RARB: variants seen among roughly 807,000 people sequenced by gnomAD.
The protein encoded by RARB is retinoic acid receptor beta.
Under a neutral mutation model 51.9 loss-of-function variants are expected in RARB, and 17 were observed. The ratio of observed to expected loss-of-function variants is 0.33; its 90% CI spans 0.22 to 0.49. The LOEUF is 0.49. Among genes scored for constraint, RARB ranks in the 20% least tolerant of loss-of-function variants. RARB has a pLI of 0.99. For missense variants in RARB, 369 were observed against 550.8 expected (o/e 0.67, Z 3.30); for synonymous variants, 215 against 195.4 (o/e 1.10, Z -0.84).
In RARB at chr3:25,562,426, G is replaced by C. The variant is rs1466849186; in HGVS notation, c.449-7332G>C. The stretch of plus-strand genomic sequence containing the variant: ...GCTCTTATTCATATTGGGTAGCTCT[G>C]TCACAAACACGAAGCCACAGACACG... On this transcript the variant is annotated intron_variant, in intron 3 of 7. Coordinates refer to ENST00000330688, the MANE Select transcript of RARB (RefSeq NM_000965.5). Among the ~76,000 whole-genome samples, 3 of 152,138 alleles carry C rather than the reference G, an allele frequency of 2.0e-5. No homozygotes were observed. In the East Asian group the frequency reaches 5.8e-4, roughly 29 times the overall value.
chr3:24,887,798 C>G (rs994380642), intron 2 of RARB, among the ~76,000 whole-genome samples: 4 of 152,206 alleles, frequency 2.6e-5, no homozygotes, highest in African/African-American at 9.7e-5. Flanking sequence ...TACTGACTTG[C>G]AGCAGCTCTG....
intron 3 of RARB, among the ~76,000 whole-genome samples, chr3:25,558,689 G>A (rs115857399): frequency 2.0e-3 from 308 of 152,098 alleles, no homozygotes; most frequent in African/African-American, 6.7e-3. Context: ...ACAGCCTCTG[G>A]ATTCCTAATT....
chr3:25,071,987 T>A (rs1195468499), intron 3 of RARB, among the ~76,000 whole-genome samples: 1 of 152,222 alleles, frequency 6.6e-6, no homozygotes, highest in East Asian at 1.9e-4. Context: ...TGGCATACAC[T>A]ATTTGGAGAA....
At chr3:25,535,675 C>G (rs896220263) in intron 3 of RARB, among the ~76,000 whole-genome samples, 1 of 152,008 alleles carries the variant, frequency 6.6e-6, no homozygotes, top group Non-Finnish European at 1.5e-5. Flanking sequence ...GCTTTCTGTT[C>G]CTGTGTTAGT....
chr3:24,869,703 C>T (rs1702912303), intron 2 of RARB, among the ~76,000 whole-genome samples: 1 of 151,968 alleles, frequency 6.6e-6, no homozygotes, highest in Admixed American at 6.6e-5. Flanking sequence ...TTTGTTAGAC[C>T]TTAAAATATT....
chr3:25,148,717 CCT>C (rs1247435960), intron 4 of RARB, among the ~76,000 whole-genome samples: 17 of 152,214 alleles, frequency 1.1e-4, no homozygotes, highest in African/African-American at 3.6e-4. Context: ...GTAAATATTG[CCT>C]CTCAGCATTA....
intron 2 of RARB, among the ~76,000 whole-genome samples, chr3:25,462,696 G>T (rs1464324388): frequency 6.6e-6 from 1 of 152,204 alleles, no homozygotes; most frequent in Admixed American, 6.5e-5. Context: ...TGGTTCACCT[G>T]GACTTGGCTA....
chr3:24,971,218 C>T (rs1372493569), intron 2 of RARB, among the ~76,000 whole-genome samples: 1 of 151,854 alleles, frequency 6.6e-6, no homozygotes, highest in Non-Finnish European at 1.5e-5. Flanking sequence ...GTTTTCAAAA[C>T]AAATCTATGA....
At chr3:25,412,845 C>T (rs1177363188) in intron 5 of RARB, among the ~76,000 whole-genome samples, 1 of 152,018 alleles carries the variant, frequency 6.6e-6, no homozygotes, top group East Asian at 1.9e-4. Flanking sequence ...CATGGAGCAA[C>T]CCCATCTCTA....
intron 5 of RARB, among the ~76,000 whole-genome samples, chr3:25,213,893 A>G (rs2125380033): frequency 6.6e-6 from 1 of 152,328 alleles, no homozygotes; most frequent in East Asian, 1.9e-4. Flanking sequence ...TTTGTAAACC[A>G]TTCATTTCCC....
chr3:25,055,301 G>T (rs531257408), intron 2 of RARB, among the ~76,000 whole-genome samples: 2 of 152,100 alleles, frequency 1.3e-5, no homozygotes, highest in African/African-American at 4.8e-5. Flanking sequence ...AGATATTTTT[G>T]AATATGATTG....
At chr3:24,887,790 C>G (rs961631964) in intron 2 of RARB, among the ~76,000 whole-genome samples, 3 of 152,208 alleles carry the variant, frequency 2.0e-5, no homozygotes, top group African/African-American at 7.2e-5. Context: ...GAAGGCACTA[C>G]TGACTTGCAG....
At chr3:25,015,958 A>G (rs2125282213) in intron 2 of RARB, among the ~76,000 whole-genome samples, 1 of 152,256 alleles carries the variant, frequency 6.6e-6, no homozygotes, top group East Asian at 1.9e-4. Context: ...TTTTGCTTTA[A>G]CTCTGTTTTA....
At chr3:25,507,585 A>G (rs959427643) in intron 3 of RARB, among the ~76,000 whole-genome samples, 8 of 152,146 alleles carry the variant, frequency 5.3e-5, no homozygotes, top group African/African-American at 1.9e-4. Context: ...GGCTTTTGCC[A>G]GTGAAAAAGG....
intron 5 of RARB, among the ~76,000 whole-genome samples, chr3:25,330,452 A>G (rs552131014): frequency 6.8e-4 from 103 of 152,328 alleles, no homozygotes; most frequent in African/African-American, 2.4e-3. Context: ...TCCTTTACAG[A>G]CAAGCAAATG....
chr3:25,454,806 T>A (rs1006046968), intron 1 of RARB, among the ~76,000 whole-genome samples: 1 of 152,266 alleles, frequency 6.6e-6, no homozygotes, highest in Non-Finnish European at 1.5e-5. Flanking sequence ...ACTTTCTGTG[T>A]GTTTAAATGA....
At chr3:24,841,024 T>C (rs950073260) in intron 1 of RARB, among the ~76,000 whole-genome samples, 3 of 152,096 alleles carry the variant, frequency 2.0e-5, no homozygotes, top group African/African-American at 7.2e-5. Context: ...AATGGGGCAG[T>C]TGTGTGGAGA....
chr3:25,119,346 A>G (rs1279872588), intron 3 of RARB, among the ~76,000 whole-genome samples: 1 of 152,144 alleles, frequency 6.6e-6, no homozygotes, highest in African/African-American at 2.4e-5. Context: ...TTGTTCCTCC[A>G]TTTGACCTTG....
At chr3:25,221,880 G>T (rs1045953153) in intron 5 of RARB, among the ~76,000 whole-genome samples, 25 of 152,236 alleles carry the variant, frequency 1.6e-4, no homozygotes, top group African/African-American at 5.5e-4. Context: ...AGTGTATAGG[G>T]TACAGCAATA....
Sources: allele counts gnomAD v4.1 joint callset (sites outside exome capture counted in the v4.1 genomes callset), GRCh38; gene constraint gnomAD v4.1.1; transcripts MANE v1.5; gene names NCBI Gene and HGNC (gene_info 2026-07-23, HGNC 2026-07-21).